FGF20: variants seen among roughly 807,000 people sequenced by gnomAD.
FGF20 encodes the protein fibroblast growth factor 20.
Under a neutral mutation model 16.7 loss-of-function variants are expected in FGF20, and 8 were observed. The ratio of observed to expected loss-of-function variants is 0.48; its 90% CI spans 0.28 to 0.87. FGF20 has a LOEUF of 0.87. Ranked by LOEUF, FGF20 falls within the 40% of genes least tolerant of loss-of-function variation. The probability of loss-of-function intolerance (pLI) is 0.10; values close to 1 mark genes in which losing one functional copy is unlikely to be tolerated. For missense variants in FGF20, 397 were observed against 281.4 expected, an observed-to-expected ratio of 1.41 and a Z score of -2.94; for synonymous variants, 161 against 118.6, an observed-to-expected ratio of 1.36 and a Z score of -2.32.
intron 1 of FGF20, among the ~76,000 whole-genome samples, chr8:16,999,649 A>G (rs4439169): frequency 0.82 from 122,429 of 149,094 alleles, 50,766 homozygotes; most frequent in East Asian, 1. Flanking sequence ...AGCCTCCCAA[A>G]TAGCTGGGAT....
intron 1 of FGF20, among the ~76,000 whole-genome samples, chr8:17,000,089 C>G (rs1007982023): frequency 2.0e-5 from 3 of 152,108 alleles, no homozygotes; most frequent in Non-Finnish European, 2.9e-5. Context: ...GGGCCATGCA[C>G]AGTGGCTCAT....
chr8:17,001,273 A>G (rs1810174071), intron 1 of FGF20, among the ~76,000 whole-genome samples: 1 of 152,182 alleles, frequency 6.6e-6, no homozygotes, highest in Admixed American at 6.5e-5. Flanking sequence ...ATGTTTAAAG[A>G]AGCCCGGCGC....
intron 1 of FGF20, among the ~76,000 whole-genome samples, 171 bp downstream of exon 1, chr8:17,001,576 C>T (rs544271766): frequency 6.6e-6 from 1 of 152,200 alleles, no homozygotes; most frequent in Admixed American, 6.5e-5. Context: ...CGCGGCTGCT[C>T]TGGCCAGCCC....
chr8:16,994,177 G>T, intron 2 of FGF20, among the ~76,000 whole-genome samples: 1 of 152,112 alleles, frequency 6.6e-6, no homozygotes, highest in East Asian at 1.9e-4. Flanking sequence ...CAGACCTGTA[G>T]TTTATCTTTT....
chr8:16,992,992 T>TGGGTCATTA lies in FGF20; in HGVS notation c.*71_*79dup. On this transcript the variant is annotated 3_prime_UTR_variant, in exon 3 of 3. Coordinates refer to ENST00000180166, the MANE Select transcript of FGF20 (RefSeq NM_019851.3). ...GACTTTAATATTTTGAACGTCTCCT[T>TGGGTCATTA]GGGTCATTATTTTATGATGGGAACT... 1 of 1,479,360 alleles carries TGGGTCATTA rather than the reference T, an allele frequency of 6.8e-7. No individual in the cohort carries two copies. The highest frequency in any genetic ancestry group is 9.1e-7 in the Non-Finnish European group (1 of 1,093,424). 91.6% of individuals were successfully genotyped at this position (1,479,360 alleles called of 1,614,324 possible).
At chr8:16,996,567 A>G (rs577961205) in intron 1 of FGF20, among the ~76,000 whole-genome samples, 1 of 152,218 alleles carries the variant, frequency 6.6e-6, no homozygotes, top group African/African-American at 2.4e-5. Flanking sequence ...TGATCTCATC[A>G]GTTAATTATA....
At chr8:17,000,219 A>G (rs1291694381) in intron 1 of FGF20, among the ~76,000 whole-genome samples, 1 of 152,162 alleles carries the variant, frequency 6.6e-6, no homozygotes, top group African/African-American at 2.4e-5. Context: ...CAGGTTGGCC[A>G]CTAGGTCATG....
intron 1 of FGF20, among the ~76,000 whole-genome samples, chr8:17,000,826 C>G (rs1275351266): frequency 2.0e-5 from 3 of 151,968 alleles, no homozygotes; most frequent in Non-Finnish European, 4.4e-5. Flanking sequence ...AACAATCATT[C>G]TCTTGTTTCT....
chr8:16,993,304 G>A lies in FGF20; in HGVS notation c.404C>T (p.Ser135Phe), dbSNP rs200152641. The A allele has an allele frequency of 1.9e-6, 3 of 1,604,610 alleles. No individual in the cohort carries two copies. Among genetic ancestry groups the A allele is most frequent in the Non-Finnish European group, 2.6e-6 (3 of 1,175,700 alleles). The change falls in exon 3 of 3, where the codon TCC (serine) becomes TTC (phenylalanine). Residue 135 changes from serine (S) to phenylalanine (F), a missense_variant. By Grantham distance (155) the Ser-to-Phe change is radical. Transcript: ENST00000180166. ...GELYGSEKLT[S>F]ECIFREQFEE... ...AAACTGCTCCCTAAAGATGCATTCG[G>A]AAGTAAGTTTCTCCTGAAAGAGAGA...
chr8:16,994,339 C>T (rs553961085), intron 2 of FGF20, among the ~76,000 whole-genome samples: 5 of 152,270 alleles, frequency 3.3e-5, no homozygotes, highest in Admixed American at 6.5e-5. Context: ...TTTGATGATA[C>T]ATTCTCCACG....
chr8:17,001,942 C>T lies in FGF20; in HGVS notation c.91G>A (p.Gly31Arg). 6.7e-7 allele frequency: 1 copy of T among 1,498,232 alleles called. No individual in the cohort carries two copies. The highest frequency in any genetic ancestry group is 8.9e-7 in the Non-Finnish European group (1 of 1,125,130). 92.8% of individuals were successfully genotyped at this position (1,498,232 alleles called of 1,614,324 possible). A position where few individuals can be genotyped will look rare whatever the true frequency, so the allele number is the denominator to read the frequency against. The change falls in exon 1 of 3, where the codon GGG becomes AGG. Residue 31 changes from glycine to arginine, a missense_variant. Physicochemically the swap from Gly to Arg is moderately radical, Grantham distance 125 (BLOSUM62 -2). Coordinates refer to ENST00000180166, the MANE Select transcript of FGF20 (RefSeq NM_019851.3). The part of the protein sequence containing the change: ...VGSHFLLPPA[G>R]ERPPLLGERR... ...TCGCCCAGCAGCGGCGGCCGCTCCC[C>T]GGCAGGAGGCAACAGGAAATGCGAA...
intron 1 of FGF20, among the ~76,000 whole-genome samples, chr8:16,998,078 T>C (rs956114753): frequency 2.6e-5 from 4 of 152,210 alleles, no homozygotes; most frequent in African/African-American, 9.6e-5. Flanking sequence ...TTAATGTCCA[T>C]ATAAGCTAAT....
At chr8:16,998,882 C>G (rs528567721) in intron 1 of FGF20, among the ~76,000 whole-genome samples, 2 of 123,718 alleles carry the variant, frequency 1.6e-5, no homozygotes, top group East Asian at 5.2e-4. Context: ...TAGTATAAAA[C>G]TGGCAAAAAA....
intron 1 of FGF20, among the ~76,000 whole-genome samples, chr8:16,998,488 A>C (rs915650478): frequency 1.1e-4 from 17 of 152,196 alleles, no homozygotes; most frequent in Non-Finnish European, 1.9e-4. Flanking sequence ...ATGAGGTAGC[A>C]ACTAAGCTAA....
At chr8:16,993,859 T>C (rs17550304) in intron 2 of FGF20, among the ~76,000 whole-genome samples, 2,887 of 152,202 alleles carry the variant, frequency 0.019, 43 homozygotes, top group South Asian at 0.039. Flanking sequence ...TTCATGCTCC[T>C]ATGAGAATTT....
chr8:16,998,218 A>G (rs527878169), intron 1 of FGF20, among the ~76,000 whole-genome samples: 1 of 152,294 alleles, frequency 6.6e-6, no homozygotes, highest in South Asian at 2.1e-4. Flanking sequence ...ACAAAAGGTT[A>G]TTTATGTTCT....
intron 2 of FGF20, among the ~76,000 whole-genome samples, chr8:16,994,977 T>C (rs1474808165): frequency 6.6e-6 from 1 of 152,052 alleles, no homozygotes; most frequent in Non-Finnish European, 1.5e-5. Flanking sequence ...GCAGATTTGT[T>C]CTAAAAACAA....
In FGF20 at chr8:17,002,106, G is replaced by T; in HGVS notation, c.-74C>A. 1 of 1,418,382 alleles carries T rather than the reference G, an allele frequency of 7.1e-7. No homozygotes were observed. The highest frequency in any genetic ancestry group is 9.2e-7 in the Non-Finnish European group (1 of 1,083,260). 87.9% of individuals were successfully genotyped at this position (1,418,382 alleles called of 1,614,324 possible). On this transcript the variant is annotated 5_prime_UTR_variant, in exon 1 of 3. Coordinates refer to ENST00000180166, the MANE Select transcript of FGF20 (RefSeq NM_019851.3). ...TGGGGGTGGGATGGAGGTGGATAGAGAAAAATTATAGCAAAACGAGCGCAA... is the reference window on the plus strand; with the variant it reads ...TGGGGGTGGGATGGAGGTGGATAGATAAAAATTATAGCAAAACGAGCGCAA...
intron 1 of FGF20, among the ~76,000 whole-genome samples, chr8:17,000,374 G>GC (rs1297021853): frequency 6.6e-6 from 1 of 152,012 alleles, no homozygotes; most frequent in Non-Finnish European, 1.5e-5. Flanking sequence ...AGTTACAAAT[G>GC]CCCCCTTAAA....
Sources: allele counts gnomAD v4.1 joint callset (sites outside exome capture counted in the v4.1 genomes callset), GRCh38; gene constraint gnomAD v4.1.1; transcripts MANE v1.5; gene names NCBI Gene and HGNC (gene_info 2026-07-23, HGNC 2026-07-21).